DOCK10: variants seen among roughly 807,000 people sequenced by gnomAD.
DOCK10 encodes dedicator of cytokinesis 10.
DOCK10 carries 145 observed loss-of-function variants against 280.1 expected under a neutral mutation model. The observed-to-expected ratio is 0.52, with a 90% CI of 0.45 to 0.59. DOCK10 has a LOEUF of 0.59. Ranked by LOEUF, DOCK10 falls within the 20% of genes least tolerant of loss-of-function variation. The pLI is 0.00. For missense variants in DOCK10, 2,368 were observed against 2,651.7 expected, an observed-to-expected ratio of 0.89 and a Z score of 2.35; for synonymous variants, 915 against 942.2, an observed-to-expected ratio of 0.97 and a Z score of 0.53.
At chr2:224,957,450 CT>C (rs1043838313) in intron 1 of DOCK10, among the ~76,000 whole-genome samples, 1 of 151,902 alleles carries the variant, frequency 6.6e-6, no homozygotes, top group Non-Finnish European at 1.5e-5. Flanking sequence ...ATCATCACAC[CT>C]TTTTTCATTT....
At chr2:224,792,886 T>A in intron 47 of DOCK10, 88 bp downstream of exon 47, 3 of 1,006,756 alleles carry the variant, frequency 3.0e-6, no homozygotes, top group East Asian at 2.6e-5. Context: ...CTTCTAAGAA[T>A]ATATTTAAGA....
intron 14 of DOCK10, 172 bp downstream of exon 14, chr2:224,862,492 G>T: frequency 1.7e-6 from 1 of 591,642 alleles, no homozygotes; most frequent in Non-Finnish European, 3.0e-6. Context: ...AAACTGTCTT[G>T]TGAAATGTAT....
intron 47 of DOCK10, among the ~76,000 whole-genome samples, chr2:224,790,138 G>C (rs1260312619): frequency 6.6e-6 from 1 of 152,106 alleles, no homozygotes; most frequent in East Asian, 1.9e-4. Context: ...AATTTTCTTA[G>C]TATCTTAGGC....
intron 1 of DOCK10, among the ~76,000 whole-genome samples, chr2:225,036,012 A>C (rs1384302921): frequency 6.6e-6 from 1 of 152,052 alleles, no homozygotes; most frequent in Non-Finnish European, 1.5e-5. Context: ...TCGACATATT[A>C]ATCTTGGAAG....
In DOCK10 at chr2:224,868,409, C is replaced by T. The variant is rs140891172; in HGVS notation, c.1258-3322G>A. Reference sequence around the variant, plus strand: ...CATTTATGTGATTAAAGTTGGAATACGCCTATAAAAACTAGCATTTTTACT... The same window carrying T: ...CATTTATGTGATTAAAGTTGGAATATGCCTATAAAAACTAGCATTTTTACT... On this transcript the variant is annotated intron_variant, in intron 11 of 55. Coordinates refer to ENST00000258390, the MANE Select transcript of DOCK10 (RefSeq NM_014689.3). Among the ~76,000 whole-genome samples the T allele has an allele frequency of 7.2e-4, 110 of 152,204 alleles. No homozygotes were observed. The East Asian group carries it at 0.013, about 18-fold the overall frequency.
At chr2:225,016,350 AT>A (rs1473683708) in intron 1 of DOCK10, among the ~76,000 whole-genome samples, 2 of 151,904 alleles carry the variant, frequency 1.3e-5, no homozygotes, top group Admixed American at 6.6e-5. Context: ...ATGTATTGTA[AT>A]TGGTATTTGT....
rs2126288679 is a variant in DOCK10, at chr2:225,003,855, C to A, written c.123+38397G>T. On this transcript the variant is annotated intron_variant, in intron 1 of 55. Transcript: ENST00000258390. ...CCATCTTTTCTCTGTGTGACTTGTT[C>A]AGTGGCAATTGGAGTTTTACATCTG... Among the ~76,000 whole-genome samples, 2 of 152,248 alleles carry A rather than the reference C, an allele frequency of 1.3e-5. 1 individual carries two copies. The highest frequency in any genetic ancestry group is 4.1e-4 in the South Asian group (2 of 4,820).
rs569974511 is a variant in DOCK10, at chr2:224,770,388, C to T, written c.6306-39G>A. 3.1e-5 allele frequency: 48 copies of T among 1,566,228 alleles called. No homozygotes were observed. The highest frequency in any genetic ancestry group is 4.5e-5 in the East Asian group (2 of 44,034). The stretch of plus-strand genomic sequence containing the variant: ...ATTAAACAAATTAAAAACCAGCCCT[C>T]GGAAGTGGCATTGAGCTCAGTGACT... On this transcript the variant is annotated intron_variant, in intron 54 of 55. Coordinates refer to ENST00000258390, the MANE Select transcript of DOCK10 (RefSeq NM_014689.3). This position sits in a 1 kb window ranked among gnomAD's most constrained non-coding sequence, Gnocchi z 4.5.
chr2:224,853,461 A>G (rs1696890038), intron 16 of DOCK10, among the ~76,000 whole-genome samples: 1 of 152,230 alleles, frequency 6.6e-6, no homozygotes, highest in African/African-American at 2.4e-5. Context: ...ATAATCCACC[A>G]ATCTTTGCTA....
rs796471168 is a variant in DOCK10, at chr2:224,846,500, C to CT, written c.2236-859dup. Among the ~76,000 whole-genome samples, 773 of 129,024 alleles carry CT rather than the reference C, an allele frequency of 6.0e-3. 4 individuals are homozygous for CT. The highest frequency in any genetic ancestry group is 0.029 in the Middle Eastern group (7 of 244). The allele number at this position is 129,024 out of a possible 152,430, so 84.6% of individuals were successfully genotyped here. ...AGCTCACTGCAGCCTTGACCTCTGG[C>CT]TTTTTTTTTTTTTTTTTTGAGATGG... On this transcript the variant is annotated intron_variant, in intron 19 of 55. Transcript: ENST00000258390.
rs753713597 is a variant in DOCK10, at chr2:224,853,087, A to C, written c.1924T>G (p.Phe642Val). Residue 642 changes from phenylalanine to valine, a missense_variant, in exon 17 of 56, where the codon TTC becomes GTC. This residue lies in a region of DOCK10 where 1,209 missense variants were observed against 1,250.9 expected (regional missense o/e 0.97). Coordinates refer to ENST00000258390, the MANE Select transcript of DOCK10 (RefSeq NM_014689.3). ...VTSSFIPVKP[F>V]NMMAQTEPTV... The stretch of plus-strand genomic sequence containing the variant: ...GGTTCTGTTTGAGCCATCATGTTGA[A>C]AGGCTTGACAGGGATAAAGGACGAT... 1 of 1,608,240 alleles carries C rather than the reference A, an allele frequency of 6.2e-7. No individual in the cohort carries two copies. Among genetic ancestry groups the C allele is most frequent in the South Asian group, 1.1e-5 (1 of 90,160 alleles).
chr2:224,885,878 C>T (rs1699247649), intron 6 of DOCK10, 73 bp from the exon 7 acceptor site: 4 of 1,552,812 alleles, frequency 2.6e-6, no homozygotes, highest in Non-Finnish European at 3.5e-6. Context: ...TAGAATTATT[C>T]TAATTCCTTC....
intron 29 of DOCK10, 91 bp from the exon 30 acceptor site, chr2:224,816,804 C>A: frequency 2.8e-6 from 2 of 722,084 alleles, no homozygotes; most frequent in Non-Finnish European, 4.7e-6. Context: ...AATCTTATCC[C>A]TAAAAAGAAA....
At chr2:224,921,112 A>AATATATATATATATATATATTTAT (rs1701705495) in intron 2 of DOCK10, among the ~76,000 whole-genome samples, 4 of 54,432 alleles carry the variant, frequency 7.3e-5, no homozygotes, top group African/African-American at 6.3e-4. Flanking sequence ...AAAAAAAAAA[A>AATATATATATATATATATATTTAT]ATATATATAT....
chr2:224,901,743 A>T (rs1700312460), intron 3 of DOCK10, among the ~76,000 whole-genome samples: 1 of 152,232 alleles, frequency 6.6e-6, no homozygotes, highest in African/African-American at 2.4e-5. Flanking sequence ...GGACATAGAG[A>T]AATGTTGCTA....
intron 47 of DOCK10, among the ~76,000 whole-genome samples, chr2:224,792,301 G>T (rs1692254021): frequency 6.6e-6 from 1 of 151,230 alleles, no homozygotes; most frequent in Non-Finnish European, 1.5e-5. Context: ...TTATTTTTTT[G>T]GAGACGGAGT....
chr2:224,797,101 A>T lies in DOCK10; in HGVS notation c.4690T>A (p.Phe1564Ile). The change falls in exon 43 of 56, where the codon TTC (phenylalanine) becomes ATC (isoleucine). Residue 1564 changes from phenylalanine (F) to isoleucine (I), a missense_variant. Around this residue, in one of 2 missense-constraint regions of DOCK10, gnomAD observed 1,159 missense variants for 1,400.8 expected, o/e 0.83. Coordinates refer to ENST00000258390, the MANE Select transcript of DOCK10 (RefSeq NM_014689.3). The part of the protein sequence containing the change: ...FQGPADLCGS[F>I]CYEVLKCCNH... ...CAGCATTTTAGGACTTCGTAACAGA[A>T]TGATCCACAGAGGTCAGCAGGCCCT... 1 of 1,613,540 alleles carries T rather than the reference A, an allele frequency of 6.2e-7. No individual in the cohort carries two copies. The highest frequency in any genetic ancestry group is 1.1e-5 in the South Asian group (1 of 90,972).
chr2:225,035,647 A>G, intron 1 of DOCK10, among the ~76,000 whole-genome samples: 1 of 131,436 alleles, frequency 7.6e-6, no homozygotes, highest in East Asian at 2.0e-4. Flanking sequence ...CATAATAACC[A>G]AAGAATCAGT....
rs776860014 is a variant in DOCK10, at chr2:224,852,383, G to T, written c.2136C>A (p.Pro712=). ...FKNSDEESAK[P]LKCIYGKPGG... is the part of the protein sequence containing the mutation. Reference sequence around the variant, plus strand: ...CTTTGCTGACTTGGCTCACCTTCAGGGGCTTGGCACTTTCTTCATCTGAAT... The same window carrying T: ...CTTTGCTGACTTGGCTCACCTTCAGTGGCTTGGCACTTTCTTCATCTGAAT... The change falls in exon 18 of 56, where the codon CCC becomes CCA. Residue 712 remains proline (P), a synonymous_variant. Transcript: ENST00000258390. 1 of 1,571,362 alleles carries T rather than the reference G, an allele frequency of 6.4e-7. No individual in the cohort carries two copies. Among genetic ancestry groups the T allele is most frequent in the Non-Finnish European group, 8.6e-7 (1 of 1,157,146 alleles).
Sources: gnomAD v4.1 joint callset for allele counts (sites outside exome capture counted in the v4.1 genomes callset) on GRCh38, gnomAD v4.1.1 for gene constraint, gnomAD v4.1.1 regional missense constraint, Gnocchi (gnomAD v3.1) non-coding constraint, MANE v1.5 for transcripts, NCBI Gene and HGNC (gene_info 2026-07-23, HGNC 2026-07-21) for gene names.